FGF13: variants seen among roughly 807,000 people sequenced by gnomAD.
FGF13 encodes the protein fibroblast growth factor 13.
FGF13 carries 2 observed loss-of-function variants against 19.5 expected under a neutral mutation model. That is an observed-to-expected ratio of 0.10 (90% CI 0.04 to 0.32). FGF13 has a LOEUF of 0.32. FGF13 is among the 10% of genes least tolerant of loss of function. The pLI is 1.00. For missense variants in FGF13, 113 were observed against 192.7 expected (o/e 0.59, Z 2.45); for synonymous variants, 72 against 76.9 (o/e 0.94, Z 0.33).
intron 1 of FGF13, among the ~76,000 whole-genome samples, chrX:138,931,759 A>T (rs2091702531): frequency 8.9e-6 from 1 of 112,206 alleles, no homozygotes; most frequent in South Asian, 3.7e-4. Flanking sequence ...AAAACCTCAA[A>T]TGTACTGTAC....
chrX:138,857,075 C>T (rs1164148730), downstream of FGF13, among the ~76,000 whole-genome samples: 1 of 111,919 alleles, frequency 8.9e-6, no homozygotes, highest in East Asian at 2.8e-4. Flanking sequence ...TCTTCAAGTG[C>T]AATGCAAAAG....
chrX:139,068,975 G>A (rs1371484009), intron 1 of FGF13, among the ~76,000 whole-genome samples: 3 of 105,139 alleles, frequency 2.9e-5, no homozygotes, highest in African/African-American at 7.0e-5. Flanking sequence ...AGGTGCTGGA[G>A]AGGATGTGGA....
upstream of FGF13, among the ~76,000 whole-genome samples, chrX:138,741,310 C>T (rs2090316534): frequency 8.9e-6 from 1 of 111,760 alleles, no homozygotes; most frequent in African/African-American, 3.3e-5. Flanking sequence ...CAGGGGGCTG[C>T]ACTGGTCAGT....
At chrX:139,004,314 TTC>T (rs1209227508) in intron 1 of FGF13, among the ~76,000 whole-genome samples, 2 of 112,792 alleles carry the variant, frequency 1.8e-5, no homozygotes, top group Admixed American at 9.3e-5. Flanking sequence ...CGGCCGGCTG[TTC>T]TGAGTGCGGG....
At chrX:139,078,261 G>A (rs971996182) in intron 1 of FGF13, among the ~76,000 whole-genome samples, 5 of 109,554 alleles carry the variant, frequency 4.6e-5, no homozygotes, top group African/African-American at 1.3e-4. Context: ...AAGATACTGG[G>A]CCCTCACTTC....
intron 3 of FGF13, among the ~76,000 whole-genome samples, chrX:138,753,430 A>C (rs1180915524): frequency 1.8e-5 from 2 of 112,421 alleles, no homozygotes; most frequent in Non-Finnish European, 3.8e-5. Context: ...TATGAGCTAC[A>C]CTTTGGATTT....
chrX:138,693,751 A>G (rs992886180), intron 3 of FGF13, among the ~76,000 whole-genome samples: 1 of 111,885 alleles, frequency 8.9e-6, no homozygotes, highest in Non-Finnish European at 1.9e-5. Flanking sequence ...CTGAAGTTAA[A>G]ATACCTTTGT....
At chrX:139,022,237 G>A (rs888776896) in intron 1 of FGF13, among the ~76,000 whole-genome samples, 1 of 111,579 alleles carries the variant, frequency 9.0e-6, no homozygotes, top group African/African-American at 3.3e-5. Context: ...AAAAAGGGAT[G>A]TATATGGAAA....
intron 1 of FGF13, among the ~76,000 whole-genome samples, chrX:139,050,734 C>A (rs2092301218): frequency 8.9e-6 from 1 of 112,085 alleles, no homozygotes; most frequent in Non-Finnish European, 1.9e-5. Context: ...TGCTTTCATG[C>A]ACGTGTTTTT....
At chrX:139,197,993 C>CAAA (rs57335781) in intron 1 of FGF13, among the ~76,000 whole-genome samples, 16 of 23,211 alleles carry the variant, frequency 6.9e-4, no homozygotes, top group South Asian at 3.5e-3. Flanking sequence ...GACCCTACCT[C>CAAA]AAAAAAAAAA....
chrX:138,811,987 G>T (rs2090929475), intron 3 of FGF13, among the ~76,000 whole-genome samples: 1 of 108,617 alleles, frequency 9.2e-6, no homozygotes, highest in Admixed American at 9.9e-5. Context: ...GTGTTGACAA[G>T]GTTTGCAACC....
Position 138,942,072 on chromosome X carries a change from A to G in FGF13, c.-112-77422T>C, listed in dbSNP as rs949125472. ...CTACAAAATGCTGTCGTGCTCATCTATCTTTTATTGAGCCACTATGTAAGG... is the reference window on the plus strand; with the variant it reads ...CTACAAAATGCTGTCGTGCTCATCTGTCTTTTATTGAGCCACTATGTAAGG... On this transcript the variant is annotated intron_variant, in intron 1 of 2. Coordinates refer to the FGF13 transcript ENST00000421460. Among the ~76,000 whole-genome samples, 6 of 111,957 alleles carry G rather than the reference A, an allele frequency of 5.4e-5. No homozygotes were observed. In the Admixed American group the frequency reaches 5.7e-4, roughly 11 times the overall value.
At chrX:138,843,872 A>C (rs1336608280) in intron 3 of FGF13, among the ~76,000 whole-genome samples, 1 of 111,678 alleles carries the variant, frequency 9.0e-6, no homozygotes, top group East Asian at 2.8e-4. Context: ...GGTGAGTGGG[A>C]CACTCTGTAC....
intron 1 of FGF13, among the ~76,000 whole-genome samples, chrX:139,094,925 T>C (rs1039921363): frequency 4.5e-5 from 5 of 112,172 alleles, no homozygotes; most frequent in African/African-American, 1.6e-4. Flanking sequence ...TGCCAATTAG[T>C]GGAGTAAGGG....
intron 3 of FGF13, among the ~76,000 whole-genome samples, chrX:138,643,833 A>G (rs1333799921): frequency 9.0e-6 from 1 of 110,959 alleles, no homozygotes; most frequent in Non-Finnish European, 1.9e-5. Flanking sequence ...GTGTTGATCT[A>G]TGTGTTTTGA....
intron 3 of FGF13, among the ~76,000 whole-genome samples, chrX:138,763,134 C>T (rs1041968669): frequency 9.0e-6 from 1 of 110,532 alleles, no homozygotes; most frequent in Non-Finnish European, 1.9e-5. Context: ...ATATCATATA[C>T]ACCAAGATAA....
chrX:138,988,716 T>A (rs377742232), intron 1 of FGF13, among the ~76,000 whole-genome samples: 1 of 111,924 alleles, frequency 8.9e-6, no homozygotes, highest in African/African-American at 3.3e-5. Flanking sequence ...GGACAGTCAA[T>A]CTACCTAGCT....
intron 1 of FGF13, among the ~76,000 whole-genome samples, chrX:138,926,980 T>C (rs1171376333): frequency 1.8e-5 from 2 of 110,859 alleles, no homozygotes; most frequent in Non-Finnish European, 1.9e-5. Context: ...AAAACAAAAA[T>C]ACAACAACTA....
At chrX:138,649,623 T>C (rs755250886) in intron 3 of FGF13, among the ~76,000 whole-genome samples, 1 of 112,308 alleles carries the variant, frequency 8.9e-6, no homozygotes, top group South Asian at 3.7e-4. Flanking sequence ...AAAGGAGACA[T>C]AGACTTGTTC....
Sources: gnomAD v4.1 joint callset for allele counts (sites outside exome capture counted in the v4.1 genomes callset) on GRCh38, gnomAD v4.1.1 for gene constraint, MANE v1.5 for transcripts, NCBI Gene and HGNC (gene_info 2026-07-23, HGNC 2026-07-21) for gene names.